Variants in SLC4A3 observed in about 807,000 individuals in gnomAD.
SLC4A3 encodes anion exchange protein 3.
In SLC4A3, 47 loss-of-function variants were observed where a neutral mutation model predicts 114.2. That is an observed-to-expected ratio of 0.41 (90% CI 0.33 to 0.52). The LOEUF (loss-of-function observed/expected upper bound fraction) is 0.52, where lower values mean the gene tolerates loss of function less well. Ranked by LOEUF, SLC4A3 falls within the 20% of genes least tolerant of loss-of-function variation. SLC4A3 has a pLI of 0.21. For missense variants in SLC4A3, 1,312 were observed against 1,668.3 expected (o/e 0.79, Z 3.72); for synonymous variants, 693 against 710.3 (o/e 0.98, Z 0.39).
chr2:219,627,854 TG>T lies in SLC4A3; in HGVS notation c.-93-40del, dbSNP rs1004021159. 36 of 641,940 alleles carry T rather than the reference TG, an allele frequency of 5.6e-5. No individual in the cohort carries two copies. The African/African-American group carries it at 5.7e-4, about 10-fold the overall frequency. The allele number at this position is 641,940 out of a possible 1,614,324, so 39.8% of individuals were successfully genotyped here. A position where few individuals can be genotyped will look rare whatever the true frequency, so the allele number is the denominator to read the frequency against. On this transcript the variant is annotated intron_variant, in intron 1 of 22. Transcript: ENST00000358055. Reference sequence around the variant, plus strand: ...CGGGAGCGTGCATCCGGCTCCCGGGTGGGGGGCGCCAGCGCAAGGAACCTGA... The same window carrying T: ...CGGGAGCGTGCATCCGGCTCCCGGGTGGGGGCGCCAGCGCAAGGAACCTGA...
At chr2:219,633,841 G>A (rs1213470495) in intron 10 of SLC4A3, 39 bp from the exon 11 acceptor site, 10 of 1,551,016 alleles carry the variant, frequency 6.4e-6, no homozygotes, top group Middle Eastern at 1.7e-4. Flanking sequence ...CACGGCCTCC[G>A]GTCTGGGTCC....
At chr2:219,634,066 G>C (rs2106191862) in intron 11 of SLC4A3, 87 bp downstream of exon 11, 1 of 1,412,082 alleles carries the variant, frequency 7.1e-7, no homozygotes, top group Non-Finnish European at 9.3e-7. Context: ...TGGCCTCGAG[G>C]CCGCCTCTTC....
chr2:219,632,167 C>G, intron 7 of SLC4A3, 51 bp downstream of exon 7: 1 of 1,606,472 alleles, frequency 6.2e-7, no homozygotes, highest in Non-Finnish European at 8.5e-7. Flanking sequence ...CCCTCGGCCC[C>G]GGAGCCCTCC....
Position 219,638,191 on chromosome 2 carries a change from A to G in SLC4A3, c.2794A>G (p.Ile932Val). ...TCGTCGCATCATCGGGGACTTTGGCATCCCCATCTCCATCCTGGTGATGGT... is the reference window on the plus strand; with the variant it reads ...TCGTCGCATCATCGGGGACTTTGGCGTCCCCATCTCCATCCTGGTGATGGT... Reference protein sequence around the residue: ...KARRIIGDFGIPISILVMVLV... With the variant: ...KARRIIGDFGVPISILVMVLV... The change falls in exon 18 of 23, where the codon ATC becomes GTC. Residue 932 changes from isoleucine (I) to valine (V), a missense_variant. Physicochemically the swap from Ile to Val is conservative, Grantham distance 29 (BLOSUM62 3). Transcript: ENST00000358055. The surrounding 1 kb of genome is among the most constrained non-coding windows in gnomAD (Gnocchi z 7.5). 6.2e-6 allele frequency: 10 copies of G among 1,612,732 alleles called. No homozygotes were observed. The highest frequency in any genetic ancestry group is 7.6e-6 in the Non-Finnish European group (9 of 1,179,364).
rs945467525 is a variant in SLC4A3, at chr2:219,641,540, G to A, written c.3622-111G>A. 3 of 832,614 alleles carry A rather than the reference G, an allele frequency of 3.6e-6. No individual in the cohort carries two copies. Among genetic ancestry groups the A allele is most frequent in the Non-Finnish European group, 6.0e-6 (3 of 499,272 alleles). 51.6% of individuals were successfully genotyped at this position (832,614 alleles called of 1,614,324 possible). ...CCAGGGTCATGGTACTTGCAGAGAG[G>A]CCCAGGAAAGGTCAGGGAGCAGGGA... On this transcript the variant is annotated intron_variant, in intron 22 of 22. Transcript: ENST00000358055. This position sits in a 1 kb window ranked among gnomAD's most constrained non-coding sequence, Gnocchi z 4.0.
chr2:219,629,354 A>AAGAGGAAGG lies in SLC4A3; in HGVS notation c.432_440dup (p.Glu145_Glu147dup). On this transcript the variant is annotated inframe_insertion, in exon 4 of 23. Transcript: ENST00000358055. ...GATGAGGAAGAGGAGGAAGAGGAGG[A>AAGAGGAAGG]AGAGGAAGGAGAATCTGAGGCAGAA... 1 of 1,607,452 alleles carries AAGAGGAAGG rather than the reference A, an allele frequency of 6.2e-7. No homozygotes were observed. Among genetic ancestry groups the AAGAGGAAGG allele is most frequent in the Non-Finnish European group, 8.5e-7 (1 of 1,176,564 alleles).
At position 219,636,254 on chromosome 2, in the gene SLC4A3, G is replaced by A; in HGVS notation, c.2192-48G>A. ...TAGGACAAGCTAGATGAAGAAGGGGGCAGATAGACAGAGCCAGGCTAGGGC... is the reference window on the plus strand; with the variant it reads ...TAGGACAAGCTAGATGAAGAAGGGGACAGATAGACAGAGCCAGGCTAGGGC... On this transcript the variant is annotated intron_variant, in intron 14 of 22. Coordinates refer to ENST00000358055, the MANE Select transcript of SLC4A3 (RefSeq NM_005070.4). The surrounding 1 kb of genome is among the most constrained non-coding windows in gnomAD (Gnocchi z 5.5). 6.2e-7 allele frequency: 1 copy of A among 1,607,236 alleles called. No homozygotes were observed. The highest frequency in any genetic ancestry group is 8.5e-7 in the Non-Finnish European group (1 of 1,178,000).
chr2:219,641,618 C>T lies in SLC4A3; in HGVS notation c.3622-33C>T. On this transcript the variant is annotated intron_variant, in intron 22 of 22. Coordinates refer to ENST00000358055, the MANE Select transcript of SLC4A3 (RefSeq NM_005070.4). This position sits in a 1 kb window ranked among gnomAD's most constrained non-coding sequence, Gnocchi z 4.0. ...GAATGGGAGGGGACGAGCATGCTTC[C>T]CTGCCTTCCCCAACCTTCTGTTCCC... 1 of 1,578,354 alleles carries T rather than the reference C, an allele frequency of 6.3e-7. No individual in the cohort carries two copies. The highest frequency in any genetic ancestry group is 8.7e-7 in the Non-Finnish European group (1 of 1,147,572).
Position 219,632,379 on chromosome 2 carries a change from A to T in SLC4A3, c.1078A>T (p.Lys360Ter). The T allele has an allele frequency of 1.2e-6, 2 of 1,613,660 alleles. No individual in the cohort carries two copies. Among genetic ancestry groups the T allele is most frequent in the Non-Finnish European group, 1.7e-6 (2 of 1,179,810 alleles). ...DVEEETERWG[K>*]PHVASLSFRS... ...GGAGGAGGAGACGGAGCGCTGGGGGAAGCCCCATGTTGCCTCGCTCTCCTT... is the reference window on the plus strand; with the variant it reads ...GGAGGAGGAGACGGAGCGCTGGGGGTAGCCCCATGTTGCCTCGCTCTCCTT... The change falls in exon 8 of 23, where the codon AAG (lysine) becomes TAG (stop). Residue 360 changes from lysine to a stop codon, truncating the protein, a stop_gained. Coordinates refer to ENST00000358055, the MANE Select transcript of SLC4A3 (RefSeq NM_005070.4). LOFTEE classifies it high-confidence loss of function.
In SLC4A3 at chr2:219,636,328, G is replaced by A; in HGVS notation, c.2218G>A (p.Val740Met). The A allele has an allele frequency of 6.2e-7, 1 of 1,613,832 alleles. No homozygotes were observed. The change falls in exon 15 of 23, where the codon GTG becomes ATG. Residue 740 changes from valine (V) to methionine (M), a missense_variant. Physicochemically the swap from Val to Met is conservative, Grantham distance 21 (BLOSUM62 1). Transcript: ENST00000358055. This position sits in a 1 kb window ranked among gnomAD's most constrained non-coding sequence, Gnocchi z 5.5. Reference sequence around the variant, plus strand: ...AGAGAAGACCGAGGGGCTGATGGGCGTGTCCGAGCTGATCGTGTCCACCGC... The same window carrying A: ...AGAGAAGACCGAGGGGCTGATGGGCATGTCCGAGCTGATCGTGTCCACCGC... ...LGEKTEGLMGVSELIVSTAVL... is the reference protein window; with the variant it reads ...LGEKTEGLMGMSELIVSTAVL...
In SLC4A3 at chr2:219,636,903, G is replaced by A; in HGVS notation, c.2535+29G>A. On this transcript the variant is annotated intron_variant, in intron 16 of 22. Transcript: ENST00000358055. This position sits in a 1 kb window ranked among gnomAD's most constrained non-coding sequence, Gnocchi z 5.5. ...GAGGTCCAGCGAGGTCTTGGGGGTG[G>A]CAGAGATGGAGGTGGACATTGCCCT... 6.3e-7 allele frequency: 1 copy of A among 1,582,218 alleles called. No individual in the cohort carries two copies. Among genetic ancestry groups the A allele is most frequent in the South Asian group, 1.1e-5 (1 of 88,992 alleles).
At chr2:219,634,679 T>G in intron 12 of SLC4A3, 75 bp downstream of exon 12, 1 of 1,497,316 alleles carries the variant, frequency 6.7e-7, no homozygotes, top group Non-Finnish European at 9.1e-7. Context: ...TCCACAGTGG[T>G]GCCCATAGAG....
rs1400960592 is a variant in SLC4A3, at chr2:219,630,345, C to T, written c.804C>T (p.Asp268=). 6.2e-7 allele frequency: 1 copy of T among 1,600,808 alleles called. No homozygotes were observed. The highest frequency in any genetic ancestry group is 1.1e-5 in the South Asian group (1 of 90,630). Residue 268 remains aspartate (D), a synonymous_variant, in exon 6 of 23, where the codon GAC becomes GAT. Transcript: ENST00000358055. The surrounding 1 kb of genome is among the most constrained non-coding windows in gnomAD (Gnocchi z 6.9). ...AQMLGSADLD[D]MKSHRLEDNP... ...TGCTGGGTTCTGCAGACCTGGACGA[C>T]ATGAAGAGTGAGTGAGACCTTGTGG...
intron 11 of SLC4A3, 75 bp from the exon 12 acceptor site, chr2:219,634,345 C>A: frequency 6.8e-7 from 1 of 1,460,396 alleles, no homozygotes; most frequent in Non-Finnish European, 9.5e-7. Flanking sequence ...TCCATGATAG[C>A]CCTAGATAGC....
Position 219,629,295 on chromosome 2 carries a change from C to A in SLC4A3, c.369C>A (p.Thr123=), listed in dbSNP as rs760189630. The A allele has an allele frequency of 6.2e-7, 1 of 1,613,750 alleles. No individual in the cohort carries two copies. The highest frequency in any genetic ancestry group is 8.5e-7 in the Non-Finnish European group (1 of 1,179,802). ...EKTSAPPSEG[T]PPIQEEGGAG... is the part of the protein sequence containing the mutation. ...CCTCTGCTCCTCCCTCCGAGGGGAC[C>A]CCTCCCATCCAGGAGGAGGGGGGAG... Residue 123 remains threonine, a synonymous_variant, in exon 4 of 23, where the codon ACC becomes ACA. Coordinates refer to ENST00000358055, the MANE Select transcript of SLC4A3 (RefSeq NM_005070.4).
At position 219,636,175 on chromosome 2, in the gene SLC4A3, G is replaced by A. The variant is rs2106196379; in HGVS notation, c.2192-127G>A. The A allele has an allele frequency of 3.7e-6, 4 of 1,071,456 alleles. No individual in the cohort carries two copies. The highest frequency in any genetic ancestry group is 5.5e-6 in the Non-Finnish European group (4 of 724,446). 66.4% of individuals were successfully genotyped at this position (1,071,456 alleles called of 1,614,324 possible). On this transcript the variant is annotated intron_variant, in intron 14 of 22. Coordinates refer to ENST00000358055, the MANE Select transcript of SLC4A3 (RefSeq NM_005070.4). The surrounding 1 kb of genome is among the most constrained non-coding windows in gnomAD (Gnocchi z 5.5). ...GTTTGGGAGCAATGGGGTATGGAAGGGGCCCTGTGTGTCACTCTAAGGGGC... is the reference window on the plus strand; with the variant it reads ...GTTTGGGAGCAATGGGGTATGGAAGAGGCCCTGTGTGTCACTCTAAGGGGC...
At position 219,640,388 on chromosome 2, in the gene SLC4A3, G is replaced by C. The variant is rs561761093; in HGVS notation, c.3278-42G>C. ...CTTCCAGGCCTGTCCATCCTCACGG[G>C]GGCTGTCTGAGGGTCAGGCGGGTCT... is the stretch of plus-strand genomic sequence containing the variant. On this transcript the variant is annotated intron_variant, in intron 20 of 22. Transcript: ENST00000358055. 64 of 1,586,360 alleles carry C rather than the reference G, an allele frequency of 4.0e-5. No homozygotes were observed. The East Asian group carries it at 1.4e-3, about 34-fold the overall frequency.
Position 219,635,328 on chromosome 2 carries a change from A to G in SLC4A3, c.1804A>G (p.Ser602Gly), listed in dbSNP as rs1699076650. Residue 602 changes from serine (S) to glycine (G), a missense_variant, in exon 13 of 23, where the codon AGC (serine) becomes GGC (glycine). By Grantham distance (56) the Ser-to-Gly change is moderately conservative. Transcript: ENST00000358055. ...CCGGCAAGACCTCCTAAGTGCCATC[A>G]GCGAGTTCCTGGATGGCAGCATTGT... The part of the protein sequence containing the change: ...DDRQDLLSAI[S>G]EFLDGSIVIP... 1 of 1,614,038 alleles carries G rather than the reference A, an allele frequency of 6.2e-7. No homozygotes were observed. Among genetic ancestry groups the G allele is most frequent in the Non-Finnish European group, 8.5e-7 (1 of 1,180,020 alleles).
intron 10 of SLC4A3, 58 bp downstream of exon 10, chr2:219,633,515 G>A (rs1289427756): frequency 5.7e-6 from 8 of 1,406,420 alleles, no homozygotes; most frequent in African/African-American, 1.4e-5. Flanking sequence ...AGTTTCAGTC[G>A]AGGTCATCGA....
Sources: allele counts gnomAD v4.1 joint callset, GRCh38; gene constraint gnomAD v4.1.1; non-coding constraint Gnocchi (gnomAD v3.1); transcripts MANE v1.5; gene names NCBI Gene and HGNC (gene_info 2026-07-23, HGNC 2026-07-21).